Variants in LINGO2 observed in about 807,000 individuals in gnomAD.
LINGO2 encodes the protein leucine rich repeat and Ig domain containing 2.
In LINGO2, 14 loss-of-function variants were observed where a neutral mutation model predicts 30.6. The ratio of observed to expected loss-of-function variants is 0.46; its 90% CI spans 0.30 to 0.72. The LOEUF (loss-of-function observed/expected upper bound fraction) is 0.72, where lower values mean the gene tolerates loss of function less well. Among genes scored for constraint, LINGO2 ranks in the 30% least tolerant of loss-of-function variants. The pLI is 0.07. For missense variants in LINGO2, 729 were observed against 751.7 expected (o/e 0.97, Z 0.35); for synonymous variants, 317 against 288.5 (o/e 1.10, Z -1.00).
At chr9:28,091,499 T>C (rs1183249640) in intron 4 of LINGO2, among the ~76,000 whole-genome samples, 2 of 152,218 alleles carry the variant, frequency 1.3e-5, no homozygotes, top group Non-Finnish European at 2.9e-5. Context: ...GCTAGCCATA[T>C]GCAGAAAGCT....
At chr9:28,082,526 A>AT (rs1478141261) in intron 4 of LINGO2, among the ~76,000 whole-genome samples, 1 of 152,148 alleles carries the variant, frequency 6.6e-6, no homozygotes, top group African/African-American at 2.4e-5. Context: ...TGGGTATAAC[A>AT]TTTGAGTAGG....
the LINGO2 span, among the ~76,000 whole-genome samples, chr9:29,188,951 G>A: frequency 3.4e-5 from 5 of 148,206 alleles, no homozygotes; most frequent in Admixed American, 1.3e-4. Context: ...TGGCTGGCCC[G>A]GCGGGGGGCT....
At chr9:28,346,784 T>A (rs539785032) in intron 3 of LINGO2, among the ~76,000 whole-genome samples, 1 of 138,584 alleles carries the variant, frequency 7.2e-6, no homozygotes, top group East Asian at 2.1e-4. Flanking sequence ...TAATGATTAG[T>A]GATATTGAGT....
intron 2 of LINGO2, among the ~76,000 whole-genome samples, chr9:28,411,962 C>G (rs1176500396): frequency 6.6e-6 from 1 of 151,866 alleles, no homozygotes; most frequent in Non-Finnish European, 1.5e-5. Flanking sequence ...ATTTCAATAG[C>G]TTTAGGGGTA....
At chr9:28,966,605 T>C in the LINGO2 span, among the ~76,000 whole-genome samples, 83 of 152,268 alleles carry the variant, frequency 5.5e-4, no homozygotes, top group Admixed American at 6.5e-5. Context: ...GAGATACCAA[T>C]TGACTTGGTA....
At chr9:28,026,571 A>AC (rs1021549941) in intron 4 of LINGO2, among the ~76,000 whole-genome samples, 2 of 152,118 alleles carry the variant, frequency 1.3e-5, no homozygotes, top group African/African-American at 4.8e-5. Context: ...TACCATGGGG[A>AC]CCCCAAGTTA....
At chr9:28,512,591 G>GTATATATATATATA (rs1262344382) in intron 1 of LINGO2, among the ~76,000 whole-genome samples, 4 of 15,824 alleles carry the variant, frequency 2.5e-4, no homozygotes, top group African/African-American at 1.2e-3. Flanking sequence ...ATATATATGT[G>GTATATATATATATA]TGTATATATA....
chr9:28,707,649 T>C, the LINGO2 span, among the ~76,000 whole-genome samples: 2 of 152,090 alleles, frequency 1.3e-5, no homozygotes, highest in Non-Finnish European at 2.9e-5. Flanking sequence ...TGTCTTGTAA[T>C]GATCCTGTCC....
At chr9:28,196,306 T>C (rs1470588508) in intron 4 of LINGO2, among the ~76,000 whole-genome samples, 3 of 151,618 alleles carry the variant, frequency 2.0e-5, no homozygotes, top group Admixed American at 6.6e-5. Context: ...TGAAAATAAA[T>C]AATGTAATTA....
chr9:28,223,931 A>G (rs1284813937), intron 4 of LINGO2, among the ~76,000 whole-genome samples: 1 of 152,236 alleles, frequency 6.6e-6, no homozygotes, highest in Non-Finnish European at 1.5e-5. Context: ...TGGTGTGGCA[A>G]TGATAGCAAA....
At chr9:28,732,755 G>A in the LINGO2 span, among the ~76,000 whole-genome samples, 2 of 152,062 alleles carry the variant, frequency 1.3e-5, no homozygotes, top group Non-Finnish European at 1.5e-5. Context: ...TGTTGTTCTC[G>A]ATATAATTGA....
At chr9:28,548,351 A>T (rs1007739577) in intron 1 of LINGO2, among the ~76,000 whole-genome samples, 1 of 152,098 alleles carries the variant, frequency 6.6e-6, no homozygotes, top group African/African-American at 2.4e-5. Context: ...AAACGTAGTT[A>T]CACTAATGAA....
At chr9:28,848,155 C>CACTATATATA in the LINGO2 span, among the ~76,000 whole-genome samples, 1 of 91,088 alleles carries the variant, frequency 1.1e-5, no homozygotes, top group African/African-American at 6.1e-5. Context: ...ACTATATATA[C>CACTATATATA]GCATATATAG....
the LINGO2 span, among the ~76,000 whole-genome samples, chr9:28,953,723 C>T: frequency 6.6e-6 from 1 of 152,030 alleles, no homozygotes; most frequent in Non-Finnish European, 1.5e-5. Flanking sequence ...GAGATTTTTA[C>T]TGCTTTTAAA....
chr9:27,994,674 C>T (rs1473472290), intron 5 of LINGO2, among the ~76,000 whole-genome samples: 2 of 152,186 alleles, frequency 1.3e-5, no homozygotes, highest in Non-Finnish European at 2.9e-5. Context: ...TAAGAGATAA[C>T]ACAGGAACCA....
At chr9:29,043,228 T>C in the LINGO2 span, among the ~76,000 whole-genome samples, 1 of 151,934 alleles carries the variant, frequency 6.6e-6, no homozygotes, top group African/African-American at 2.4e-5. Flanking sequence ...AATAAAGATG[T>C]AGACTGGAAA....
intron 3 of LINGO2, among the ~76,000 whole-genome samples, chr9:28,367,436 T>C (rs1481860684): frequency 6.6e-6 from 1 of 152,156 alleles, no homozygotes; most frequent in Non-Finnish European, 1.5e-5. Flanking sequence ...AGGGGCTGCA[T>C]AAGCTGATAT....
At chr9:28,439,899 G>T (rs1242513051) in intron 2 of LINGO2, among the ~76,000 whole-genome samples, 1 of 152,076 alleles carries the variant, frequency 6.6e-6, no homozygotes, top group Non-Finnish European at 1.5e-5. Context: ...CCCTCCCATG[G>T]GGTTGAGCAA....
At chr9:29,159,751 C>T in the LINGO2 span, among the ~76,000 whole-genome samples, 6 of 150,896 alleles carry the variant, frequency 4.0e-5, no homozygotes, top group Non-Finnish European at 8.9e-5. Flanking sequence ...CCAGCTACTC[C>T]GGAAGCAGAG....
Sources: gnomAD v4.1 joint callset for allele counts (sites outside exome capture counted in the v4.1 genomes callset) on GRCh38, gnomAD v4.1.1 for gene constraint, MANE v1.5 for transcripts, NCBI Gene and HGNC (gene_info 2026-07-23, HGNC 2026-07-21) for gene names.